The following ALK variants were observed in gnomAD, a reference collection of about 807,000 sequenced individuals.
The protein encoded by ALK is ALK tyrosine kinase receptor.
In ALK, 74 loss-of-function variants were observed where a neutral mutation model predicts 163.1. The ratio of observed to expected loss-of-function variants is 0.45; its 90% CI spans 0.38 to 0.55. The LOEUF is 0.55. Among genes scored for constraint, ALK ranks in the 20% least tolerant of loss-of-function variants. ALK has a pLI of 0.00. For missense variants in ALK, 2,063 were observed against 2,105.3 expected (o/e 0.98, Z 0.39); for synonymous variants, 960 against 843.2 (o/e 1.14, Z -2.40).
intron 1 of ALK, among the ~76,000 whole-genome samples, chr2:29,886,779 A>G (rs894111582): frequency 4.6e-5 from 7 of 152,206 alleles, no homozygotes; most frequent in African/African-American, 1.7e-4. Flanking sequence ...CCTAGCTCAA[A>G]AGGTTTTTAT....
chr2:29,328,629 A>T (rs776527833), intron 5 of ALK, 148 bp from the exon 6 acceptor site: 3 of 1,114,656 alleles, frequency 2.7e-6, no homozygotes, highest in Non-Finnish European at 4.0e-6. Context: ...AGACATCTGC[A>T]TCTCCATCTG....
chr2:29,815,053 G>C (rs546136837), intron 1 of ALK, among the ~76,000 whole-genome samples: 1 of 147,286 alleles, frequency 6.8e-6, no homozygotes, highest in Non-Finnish European at 1.5e-5. Flanking sequence ...AGTATGGTGC[G>C]GGCCATTAGT....
intron 4 of ALK, among the ~76,000 whole-genome samples, chr2:29,479,143 A>G (rs1361867531): frequency 6.6e-6 from 1 of 152,154 alleles, no homozygotes; most frequent in African/African-American, 2.4e-5. Context: ...AGAGCCTGGG[A>G]GCACTCAGGG....
intron 1 of ALK, among the ~76,000 whole-genome samples, chr2:29,722,441 C>T (rs558494526): frequency 1.3e-5 from 2 of 152,346 alleles, no homozygotes; most frequent in East Asian, 3.9e-4. Flanking sequence ...ACCAGAACCA[C>T]ATTGTAGCCC....
chr2:29,909,375 A>G (rs1667636850), intron 1 of ALK, among the ~76,000 whole-genome samples: 2 of 152,202 alleles, frequency 1.3e-5, no homozygotes, highest in African/African-American at 2.4e-5. Context: ...ACTTGAGGTC[A>G]TAGAGATTGG....
chr2:29,597,355 A>G (rs1558401888), intron 3 of ALK, among the ~76,000 whole-genome samples: 1 of 152,282 alleles, frequency 6.6e-6, no homozygotes, highest in Non-Finnish European at 1.5e-5. Flanking sequence ...CAAACCCATC[A>G]TATCTGTTGT....
intron 4 of ALK, among the ~76,000 whole-genome samples, chr2:29,396,964 G>A (rs1017186018): frequency 6.6e-6 from 1 of 150,628 alleles, no homozygotes; most frequent in African/African-American, 2.4e-5. Flanking sequence ...AGGGCAAGGA[G>A]TGCCAAACCC....
chr2:29,248,722 T>C (rs1463986350), intron 12 of ALK, among the ~76,000 whole-genome samples: 1 of 152,234 alleles, frequency 6.6e-6, no homozygotes, highest in African/African-American at 2.4e-5. Context: ...GGAAATAATG[T>C]GGCACTTCAT....
Position 29,383,733 on chromosome 2 carries a change from T to G in ALK, c.1281A>C (p.Glu427Asp), listed in dbSNP as rs746451923. The change falls in exon 5 of 29, where the codon GAA becomes GAC. Residue 427 changes from glutamate (E) to aspartate (D), a missense_variant and splice_region_variant. Physicochemically the swap from Glu to Asp is conservative, Grantham distance 45. Coordinates refer to ENST00000389048, the MANE Select transcript of ALK (RefSeq NM_004304.5). The part of the protein sequence containing the change: ...VDFFALKNCS[E>D]GTSPGSKMAL... ...CGTGGGAAAGCCAGATTCAGATACCTTCACTGCAGTTCTTCAGGGCAAAGA... is the reference window on the plus strand; with the variant it reads ...CGTGGGAAAGCCAGATTCAGATACCGTCACTGCAGTTCTTCAGGGCAAAGA... 3 of 1,614,090 alleles carry G rather than the reference T, an allele frequency of 1.9e-6. No homozygotes were observed. Among genetic ancestry groups the G allele is most frequent in the Non-Finnish European group, 2.5e-6 (3 of 1,179,982 alleles).
intron 1 of ALK, among the ~76,000 whole-genome samples, chr2:29,744,854 A>G (rs180830338): frequency 6.6e-5 from 10 of 152,118 alleles, no homozygotes; most frequent in Admixed American, 5.2e-4. Context: ...AGCTTTTCCA[A>G]CGCAACCTCA....
intron 14 of ALK, among the ~76,000 whole-genome samples, chr2:29,233,034 T>C (rs922815288): frequency 2.0e-5 from 3 of 152,232 alleles, no homozygotes; most frequent in African/African-American, 7.2e-5. Flanking sequence ...GCAAAGGCTG[T>C]GCATGGTGAA....
At chr2:29,749,198 C>T (rs76953399) in intron 1 of ALK, among the ~76,000 whole-genome samples, 2,241 of 152,138 alleles carry the variant, frequency 0.015, 51 homozygotes, top group African/African-American at 0.051. Context: ...CCCAGGGTTT[C>T]TGATTCAGTA....
At chr2:29,709,369 T>C (rs547424317) in intron 2 of ALK, among the ~76,000 whole-genome samples, 30 of 152,236 alleles carry the variant, frequency 2.0e-4, no homozygotes, top group African/African-American at 6.3e-4. Flanking sequence ...CTTTGGGGGC[T>C]GAAAGGCTGT....
chr2:29,881,598 G>A (rs1202133828), intron 1 of ALK, among the ~76,000 whole-genome samples: 5 of 152,088 alleles, frequency 3.3e-5, no homozygotes, highest in East Asian at 1.9e-4. Flanking sequence ...CGCCTCCTGC[G>A]TGGGCTTTAA....
chr2:29,706,252 C>T (rs1678908871), intron 2 of ALK, among the ~76,000 whole-genome samples: 1 of 152,216 alleles, frequency 6.6e-6, no homozygotes, highest in South Asian at 2.1e-4. Flanking sequence ...AGCTGGTCAG[C>T]AGGAACCCAG....
At chr2:29,754,024 G>A (rs2148332671) in intron 1 of ALK, among the ~76,000 whole-genome samples, 1 of 152,194 alleles carries the variant, frequency 6.6e-6, no homozygotes, top group South Asian at 2.1e-4. Context: ...TACAGATGTG[G>A]ATGTTGGAAA....
intron 3 of ALK, among the ~76,000 whole-genome samples, chr2:29,563,675 C>T (rs553976388): frequency 6.0e-4 from 91 of 152,328 alleles, no homozygotes; most frequent in African/African-American, 2.1e-3. Flanking sequence ...CCCCAACTCT[C>T]ACCATCTGCG....
rs1491072132 is a variant in ALK, at chr2:29,288,959, T to TA, written c.1817+7928dup. 2.8e-4 allele frequency among the ~76,000 whole-genome samples: 7 copies of TA among 24,992 alleles called. 1 individual carries two copies. The highest frequency in any genetic ancestry group is 6.5e-4 in the African/African-American group (7 of 10,800). The allele number at this position is 24,992 out of a possible 152,430, so 16.4% of individuals were successfully genotyped here. A position where few individuals can be genotyped will look rare whatever the true frequency, so the allele number is the denominator to read the frequency against. Reference sequence around the variant, plus strand: ...AGAGGGAGACTCCTTCTCAAAAAAATAAATAAATAAATAAATAAATAAATA... The same window carrying TA: ...AGAGGGAGACTCCTTCTCAAAAAAATAAAATAAATAAATAAATAAATAAATA... On this transcript the variant is annotated intron_variant, in intron 9 of 28. Transcript: ENST00000389048.
intron 3 of ALK, among the ~76,000 whole-genome samples, chr2:29,547,539 G>T (rs1395455612): frequency 6.6e-6 from 1 of 152,238 alleles, no homozygotes; most frequent in Admixed American, 6.5e-5. Flanking sequence ...GGAGGTTGCA[G>T]TGAGCAGAGA....
Sources: gnomAD v4.1 joint callset for allele counts (sites outside exome capture counted in the v4.1 genomes callset) on GRCh38, gnomAD v4.1.1 for gene constraint, MANE v1.5 for transcripts, NCBI Gene and HGNC (gene_info 2026-07-23, HGNC 2026-07-21) for gene names.